RNF40: variants seen among roughly 807,000 people sequenced by gnomAD.
RNF40 encodes E3 ubiquitin-protein ligase BRE1B.
RNF40 carries 39 observed loss-of-function variants against 123.3 expected under a neutral mutation model. The ratio of observed to expected loss-of-function variants is 0.32; its 90% CI spans 0.24 to 0.41. The LOEUF (loss-of-function observed/expected upper bound fraction) is 0.41. Ranked by LOEUF, RNF40 falls within the 10% of genes least tolerant of loss-of-function variation. RNF40 has a pLI of 1.00. For missense variants in RNF40, 1,003 were observed against 1,319.9 expected (o/e 0.76, Z 3.72); for synonymous variants, 538 against 526.0 (o/e 1.02, Z -0.31).
In RNF40 at chr16:30,767,816, G is replaced by A. The variant is rs752379433; in HGVS notation, c.1430-78G>A. The A allele has an allele frequency of 1.1e-5, 17 of 1,596,238 alleles. No individual in the cohort carries two copies. The East Asian group carries it at 1.1e-4, about 10-fold the overall frequency. Reference sequence around the variant, plus strand: ...CCTGCACAGTGGGAGTGATGGCATAGCCTCTTACCCCACTGAGGGGTTGGA... The same window carrying A: ...CCTGCACAGTGGGAGTGATGGCATAACCTCTTACCCCACTGAGGGGTTGGA... On this transcript the variant is annotated intron_variant, in intron 11 of 19. Coordinates refer to ENST00000324685, the MANE Select transcript of RNF40 (RefSeq NM_014771.4).
rs1209606177 is a variant in RNF40, at chr16:30,765,009, C to G, written c.721C>G (p.Gln241Glu). ...RELGRENRRL[Q>E]DLATQLQEKH... ...GCTGGGCCGTGAGAACCGGCGACTG[C>G]AGGACTTGGCCACTCAGCTGCAGGA... Residue 241 changes from glutamine to glutamate, a missense_variant, in exon 6 of 20, where the codon CAG becomes GAG. This residue lies in a region of RNF40 where 274 missense variants were observed against 356.9 expected (regional missense o/e 0.77). Coordinates refer to ENST00000324685, the MANE Select transcript of RNF40 (RefSeq NM_014771.4). 6.2e-7 allele frequency: 1 copy of G among 1,613,986 alleles called. No individual in the cohort carries two copies. Among genetic ancestry groups the G allele is most frequent in the East Asian group, 2.2e-5 (1 of 44,888 alleles).
chr16:30,768,139 C>G lies in RNF40; in HGVS notation c.1588C>G (p.Pro530Ala), dbSNP rs771919913. ...AQASGSAHST[P>A]NLGHPEDSGV... is the part of the protein sequence containing the mutation. ...GGCCAGTGGCTCTGCCCACTCCACC[C>G]CCAACCTGGGCCACCCAGAGGATTC... The change falls in exon 13 of 20, where the codon CCC becomes GCC. Residue 530 changes from proline (P) to alanine (A), a missense_variant. By Grantham distance (27) the Pro-to-Ala change is conservative. This residue lies in a region of RNF40 where 295 missense variants were observed against 331.7 expected (regional missense o/e 0.89). Coordinates refer to ENST00000324685, the MANE Select transcript of RNF40 (RefSeq NM_014771.4). The surrounding 1 kb of genome is among the most constrained non-coding windows in gnomAD (Gnocchi z 4.1). The G allele has an allele frequency of 1.9e-6, 3 of 1,607,594 alleles. No homozygotes were observed. The highest frequency in any genetic ancestry group is 3.3e-4 in the Middle Eastern group (2 of 6,042).
At chr16:30,761,874 G>A, upstream of RNF40, 1 of 968,740 alleles carries the variant, frequency 1.0e-6, no homozygotes, top group Non-Finnish European at 1.5e-6. Context: ...TCTACGCGCG[G>A]AGAGGCGCGG....
intron 8 of RNF40, among the ~76,000 whole-genome samples, chr16:30,765,780 A>G (rs1021885303): frequency 6.6e-6 from 1 of 152,278 alleles, no homozygotes; most frequent in Non-Finnish European, 1.5e-5. Flanking sequence ...GTGGTAACAG[A>G]CAAGAAATCA....
At chr16:30,765,893 C>T (rs1442214638) in intron 8 of RNF40, among the ~76,000 whole-genome samples, 1 of 152,146 alleles carries the variant, frequency 6.6e-6, no homozygotes, top group Non-Finnish European at 1.5e-5. Flanking sequence ...GTCACTGTGC[C>T]CTTTTTCCCT....
intron 17 of RNF40, 142 bp downstream of exon 17, chr16:30,769,742 T>C (rs1357235320): frequency 2.2e-6 from 2 of 902,224 alleles, no homozygotes; most frequent in Non-Finnish European, 3.3e-6. Context: ...AACATTTACA[T>C]GTGCCAGACC....
At chr16:30,764,020 G>T (rs1485038489) in intron 4 of RNF40, among the ~76,000 whole-genome samples, 159 bp from the exon 5 acceptor site, 1 of 152,174 alleles carries the variant, frequency 6.6e-6, no homozygotes, top group Non-Finnish European at 1.5e-5. Context: ...TTACCTCCCT[G>T]AATTTCATTT....
chr16:30,762,277 TGG>T (rs141812412), upstream of RNF40: 8 of 401,314 alleles, frequency 2.0e-5, no homozygotes, highest in Non-Finnish European at 3.1e-5. Context: ...TGCGCACCGT[TGG>T]GGGGGGGGCA....
In RNF40 at chr16:30,766,309, C is replaced by T. The variant is rs1026143448; in HGVS notation, c.1113+27C>T. 19 of 1,613,926 alleles carry T rather than the reference C, an allele frequency of 1.2e-5. No homozygotes were observed. The highest frequency in any genetic ancestry group is 1.5e-5 in the Non-Finnish European group (18 of 1,179,918). ...TGGGCTGCTGTAGGGGCTGAGAGGTCCTGGGCCTGTAAGGGAGGGACTGAG... is the reference window on the plus strand; with the variant it reads ...TGGGCTGCTGTAGGGGCTGAGAGGTTCTGGGCCTGTAAGGGAGGGACTGAG... On this transcript the variant is annotated intron_variant, in intron 9 of 19. Transcript: ENST00000324685. The surrounding 1 kb of genome is among the most constrained non-coding windows in gnomAD (Gnocchi z 5.4).
intron 19 of RNF40, chr16:30,773,598 A>C (rs546875687): frequency 4.3e-6 from 1 of 231,148 alleles, no homozygotes; most frequent in Admixed American, 5.4e-5. Flanking sequence ...GAAGAGGTAG[A>C]CAAGATTGGG....
rs376522975 is a variant in RNF40 at position 30,762,650 on chromosome 16, C to T, written c.105C>T (p.Pro35=). 11 of 1,613,356 alleles carry T rather than the reference C, an allele frequency of 6.8e-6. No homozygotes were observed. The African/African-American group carries it at 1.3e-4, about 20-fold the overall frequency. Residue 35 remains proline, a synonymous_variant, in exon 2 of 20, where the codon CCC becomes CCT. Coordinates refer to ENST00000324685, the MANE Select transcript of RNF40 (RefSeq NM_014771.4). Reference sequence around the variant, plus strand: ...AGACCACCACGACTCTTATCGAGCCCATTCGTCTTGGAGGCATCTCTTCCA... The same window carrying T: ...AGACCACCACGACTCTTATCGAGCCTATTCGTCTTGGAGGCATCTCTTCCA... ...EEKTTTTLIE[P]IRLGGISSTE...
intron 19 of RNF40, among the ~76,000 whole-genome samples, chr16:30,773,150 T>A (rs1235654225): frequency 1.3e-5 from 2 of 152,134 alleles, no homozygotes; most frequent in African/African-American, 4.8e-5. Flanking sequence ...AGGGCCGGGC[T>A]GGAGAACAGG....
chr16:30,773,934 C>T lies in RNF40; in HGVS notation c.2830-4C>T. On this transcript the variant is annotated splice_region_variant and splice_polypyrimidine_tract_variant and intron_variant, in intron 19 of 19. Coordinates refer to ENST00000324685, the MANE Select transcript of RNF40 (RefSeq NM_014771.4). ...TCCCAAGCTGATGCCTTTGCCTGGC[C>T]CAGGCGCGGTTGACCTGCCCCTGCT... is the stretch of plus-strand genomic sequence containing the variant. The T allele has an allele frequency of 6.2e-7, 1 of 1,609,740 alleles. No individual in the cohort carries two copies. The highest frequency in any genetic ancestry group is 8.5e-7 in the Non-Finnish European group (1 of 1,176,920).
chr16:30,765,228 G>A lies in RNF40; in HGVS notation c.819G>A (p.Leu273=), dbSNP rs1201793416. The A allele has an allele frequency of 1.2e-6, 2 of 1,614,124 alleles. No individual in the cohort carries two copies. Among genetic ancestry groups the A allele is most frequent in the Non-Finnish European group, 1.7e-6 (2 of 1,180,042 alleles). Residue 273 remains leucine, a synonymous_variant, in exon 7 of 20, where the codon CTG becomes CTA. Coordinates refer to ENST00000324685, the MANE Select transcript of RNF40 (RefSeq NM_014771.4). ...TGACATCGGCAGAGACCAAGGTGCT[G>A]GAGATGGAGACAACAGTGGAGGACT... ...DKVTSAETKV[L]EMETTVEDLQ...
intron 11 of RNF40, 171 bp from the exon 12 acceptor site, chr16:30,767,723 A>C: frequency 1.4e-6 from 1 of 729,540 alleles, no homozygotes; most frequent in Non-Finnish European, 2.2e-6. Context: ...ATTTTGGGTG[A>C]GTTTCCTTGA....
intron 2 of RNF40, 83 bp from the exon 3 acceptor site, chr16:30,763,035 T>C: frequency 6.7e-7 from 1 of 1,494,242 alleles, no homozygotes; most frequent in African/African-American, 1.4e-5. Flanking sequence ...GCATTGCAGA[T>C]GCTCTGCTCC....
intron 8 of RNF40, among the ~76,000 whole-genome samples, 154 bp downstream of exon 8, chr16:30,765,653 A>G (rs572103621): frequency 6.6e-6 from 1 of 152,326 alleles, no homozygotes; most frequent in East Asian, 1.9e-4. Context: ...CTTGTTGAGT[A>G]GATTTTTGAA....
intron 2 of RNF40, 35 bp downstream of exon 2, chr16:30,762,712 C>T (rs765381369): frequency 1.2e-6 from 2 of 1,603,388 alleles, no homozygotes; most frequent in Non-Finnish European, 1.7e-6. Context: ...TCAGAACTTC[C>T]CAGAGCCCTC....
rs1418501385 is a variant in RNF40 at position 30,769,172 on chromosome 16, C to T, written c.2248-14C>T. On this transcript the variant is annotated splice_polypyrimidine_tract_variant and intron_variant, in intron 15 of 19. Transcript: ENST00000324685. ...CTTCCCACGTTCCATCTTGTCTCTGCCCACTTGCTGCAGGAGGAGGAGGCT... is the reference window on the plus strand; with the variant it reads ...CTTCCCACGTTCCATCTTGTCTCTGTCCACTTGCTGCAGGAGGAGGAGGCT... 6.2e-7 allele frequency: 1 copy of T among 1,613,486 alleles called. No homozygotes were observed. The highest frequency in any genetic ancestry group is 8.5e-7 in the Non-Finnish European group (1 of 1,179,476).
Sources: allele counts gnomAD v4.1 joint callset (sites outside exome capture counted in the v4.1 genomes callset), GRCh38; gene constraint gnomAD v4.1.1; regional missense constraint gnomAD v4.1.1; non-coding constraint Gnocchi (gnomAD v3.1); transcripts MANE v1.5; gene names NCBI Gene and HGNC (gene_info 2026-07-23, HGNC 2026-07-21).